Variants in COL5A2 observed in about 807,000 individuals in gnomAD.
The protein encoded by COL5A2 is collagen alpha-2(V) chain.
COL5A2 carries 23 observed loss-of-function variants against 208.2 expected under a neutral mutation model. That is an observed-to-expected ratio of 0.11 (90% CI 0.08 to 0.16). The LOEUF (loss-of-function observed/expected upper bound fraction) is 0.16, where lower values mean the gene tolerates loss of function less well. Among genes scored for constraint, COL5A2 ranks in the 10% least tolerant of loss-of-function variants. The pLI, the probability that COL5A2 is intolerant of heterozygous loss-of-function variation, is 1.00. For synonymous variants in COL5A2, 625 were observed against 628.5 expected, an observed-to-expected ratio of 0.99 and a Z score of 0.08; for missense variants, 1,590 against 1,956.4, an observed-to-expected ratio of 0.81 and a Z score of 3.53.
At chr2:189,085,237 GAA>G in intron 10 of COL5A2, 24 bp from the exon 11 acceptor site, 1 of 1,592,932 alleles carries the variant, frequency 6.3e-7, no homozygotes, top group Non-Finnish European at 8.6e-7. Flanking sequence ...AAAACAAAAG[GAA>G]AAAAAGAATA....
the COL5A2 span, chr2:189,311,252 C>A: frequency 6.8e-7 from 1 of 1,460,856 alleles, no homozygotes; most frequent in South Asian, 1.1e-5. Context: ...TACCCTGCTT[C>A]TGCTGGCTTA....
the COL5A2 span, among the ~76,000 whole-genome samples, chr2:189,319,173 T>A: frequency 2.6e-5 from 4 of 152,200 alleles, no homozygotes; most frequent in East Asian, 7.7e-4. Context: ...AAACATGACA[T>A]GTTAAAGAAA....
At chr2:189,046,986 G>A (rs1257571776) in intron 45 of COL5A2, among the ~76,000 whole-genome samples, 2 of 152,080 alleles carry the variant, frequency 1.3e-5, no homozygotes, top group African/African-American at 4.8e-5. Context: ...GCTGGGTGTG[G>A]TGGCACATGC....
intron 15 of COL5A2, 48 bp from the exon 16 acceptor site, chr2:189,078,617 T>A (rs1304359115): frequency 6.8e-7 from 1 of 1,460,396 alleles, no homozygotes; most frequent in Non-Finnish European, 9.6e-7. Context: ...TAATTTGAAA[T>A]GTAGAGTAGT....
intron 6 of COL5A2, among the ~76,000 whole-genome samples, chr2:189,093,999 G>A (rs1686846373): frequency 6.6e-6 from 1 of 152,176 alleles, no homozygotes; most frequent in Non-Finnish European, 1.5e-5. Context: ...CCCAATGAGA[G>A]TTCCAAAGAG....
the COL5A2 span, among the ~76,000 whole-genome samples, chr2:189,430,308 A>C: frequency 6.6e-6 from 1 of 152,214 alleles, no homozygotes. Context: ...TGTGAAACAA[A>C]GGAAGCTAAA....
chr2:189,032,109 A>G lies in COL5A2; in HGVS notation c.*1961T>C, dbSNP rs886055346. ...GCATATAAATACTCAAATTTAAGAT[A>G]TACAGGTCAAAATATAACCAGTTTA... is the stretch of plus-strand genomic sequence containing the variant. On this transcript the variant is annotated 3_prime_UTR_variant, in exon 54 of 54. Coordinates refer to ENST00000374866, the MANE Select transcript of COL5A2 (RefSeq NM_000393.5). 10 of 152,180 alleles carry G rather than the reference A, an allele frequency of 6.6e-5. No homozygotes were observed. The highest frequency in any genetic ancestry group is 1.5e-4 in the Non-Finnish European group (10 of 68,016). The allele number at this position is 152,180 out of a possible 1,614,324, so 9.4% of individuals were successfully genotyped here.
the COL5A2 span, among the ~76,000 whole-genome samples, chr2:189,375,898 G>A: frequency 6.6e-6 from 1 of 152,206 alleles, no homozygotes; most frequent in Admixed American, 6.5e-5. Context: ...AACTCTTGCT[G>A]GGGAAGCTTT....
intron 1 of COL5A2, among the ~76,000 whole-genome samples, chr2:189,172,887 GAACAT>G (rs1380382412): frequency 6.8e-6 from 1 of 147,252 alleles, no homozygotes; most frequent in African/African-American, 2.5e-5. Context: ...TTTTGAGTTT[GAACAT>G]AACACCAGAA....
At chr2:189,054,610 T>C (rs1685861946) in intron 35 of COL5A2, among the ~76,000 whole-genome samples, 1 of 152,022 alleles carries the variant, frequency 6.6e-6, no homozygotes, top group Non-Finnish European at 1.5e-5. Flanking sequence ...TAATATTATA[T>C]TCTTAAATTA....
chr2:189,363,008 G>A, the COL5A2 span, among the ~76,000 whole-genome samples: 1 of 151,944 alleles, frequency 6.6e-6, no homozygotes, highest in Non-Finnish European at 1.5e-5. Flanking sequence ...AAAATTACAA[G>A]TTGACACAAA....
chr2:189,428,742 G>A, the COL5A2 span, among the ~76,000 whole-genome samples: 1 of 152,200 alleles, frequency 6.6e-6, no homozygotes, highest in Admixed American at 6.5e-5. Context: ...CCCAGAAGCT[G>A]AGCATATGCC....
chr2:189,285,743 ATG>A, the COL5A2 span, among the ~76,000 whole-genome samples: 2 of 152,186 alleles, frequency 1.3e-5, no homozygotes, highest in Non-Finnish European at 2.9e-5. Context: ...TTTAAAGATA[ATG>A]TATCCCTGAA....
At chr2:189,310,146 T>C in the COL5A2 span, among the ~76,000 whole-genome samples, 1 of 152,192 alleles carries the variant, frequency 6.6e-6, no homozygotes, top group South Asian at 2.1e-4. Context: ...AATGATTTTT[T>C]AAAATATGTA....
intron 37 of COL5A2, 69 bp downstream of exon 37, chr2:189,053,826 A>G (rs1685841944): frequency 7.7e-7 from 1 of 1,303,070 alleles, no homozygotes; most frequent in Admixed American, 1.8e-5. Context: ...ATATAAATAT[A>G]AAAACAAAAT....
intron 1 of COL5A2, among the ~76,000 whole-genome samples, chr2:189,162,848 G>A (rs1241438136): frequency 1.3e-5 from 2 of 152,048 alleles, no homozygotes; most frequent in Non-Finnish European, 2.9e-5. Context: ...TAGTGAAGGA[G>A]GGAAATGGGG....
Position 189,039,881 on chromosome 2 carries a change from T to C in COL5A2, c.3634-318A>G, listed in dbSNP as rs13420752. On this transcript the variant is annotated intron_variant, in intron 50 of 53. Coordinates refer to ENST00000374866, the MANE Select transcript of COL5A2 (RefSeq NM_000393.5). ...ATATTTTATGTTAATAGCATGCAGA[T>C]ATGTATGTTCATTTGCAAACTATTT... Among the ~76,000 whole-genome samples the C allele has an allele frequency of 3.9e-3, 592 of 152,274 alleles. 2 individuals are homozygous for C. Among genetic ancestry groups the C allele is most frequent in the African/African-American group, 0.013 (542 of 41,558 alleles).
intron 11 of COL5A2, 92 bp from the exon 12 acceptor site, chr2:189,084,129 C>T (rs1240288358): frequency 1.1e-6 from 1 of 897,792 alleles, no homozygotes. Flanking sequence ...ACTAATAAAA[C>T]AGTCTTCTTT....
the COL5A2 span, among the ~76,000 whole-genome samples, chr2:189,251,382 C>T: frequency 6.6e-6 from 1 of 152,082 alleles, no homozygotes; most frequent in East Asian, 1.9e-4. Context: ...TACTGTGTTC[C>T]TAGAACTGGT....
Sources: gnomAD v4.1 joint callset for allele counts (sites outside exome capture counted in the v4.1 genomes callset) on GRCh38, gnomAD v4.1.1 for gene constraint, MANE v1.5 for transcripts, NCBI Gene and HGNC (gene_info 2026-07-23, HGNC 2026-07-21) for gene names.